The following ARPIN variants were observed in gnomAD, a reference collection of about 807,000 sequenced individuals.
ARPIN encodes the protein UPF0552 protein C15orf38.
ARPIN carries 23 observed loss-of-function variants against 25.9 expected under a neutral mutation model. That is an observed-to-expected ratio of 0.89 (90% CI 0.64 to 1.26). ARPIN has a LOEUF of 1.26. Among genes scored for constraint, ARPIN ranks in the 50% most tolerant of loss-of-function variants. The probability of loss-of-function intolerance (pLI) is 0.00; values close to 1 mark genes in which losing one functional copy is unlikely to be tolerated. For missense variants in ARPIN, 333 were observed against 312.2 expected (o/e 1.07, Z -0.50); for synonymous variants, 126 against 131.4 (o/e 0.96, Z 0.28).
Position 89,900,642 on chromosome 15 carries a change from A to T in ARPIN, c.*1153T>A, listed in dbSNP as rs1275601601. ...TTCGACACATTAGGGGGACTCCATA[A>T]TTATTAGTTCACCACCACCCTCTCT... is the stretch of plus-strand genomic sequence containing the variant. On this transcript the variant is annotated 3_prime_UTR_variant, in exon 6 of 6. Transcript: ENST00000357484. 3 of 152,196 alleles carry T rather than the reference A, an allele frequency of 2.0e-5. No individual in the cohort carries two copies. The highest frequency in any genetic ancestry group is 4.4e-5 in the Non-Finnish European group (3 of 68,046). 9.4% of individuals were successfully genotyped at this position (152,196 alleles called of 1,614,324 possible).
At position 89,900,816 on chromosome 15, in the gene ARPIN, C is replaced by T. The variant is rs529848067; in HGVS notation, c.*979G>A. The T allele has an allele frequency of 6.6e-6, 1 of 152,208 alleles. No homozygotes were observed. The highest frequency in any genetic ancestry group is 2.4e-5 in the African/African-American group (1 of 41,442). The allele number at this position is 152,208 out of a possible 1,614,324, so 9.4% of individuals were successfully genotyped here. On this transcript the variant is annotated 3_prime_UTR_variant, in exon 6 of 6. Coordinates refer to ENST00000357484, the MANE Select transcript of ARPIN (RefSeq NM_182616.4). Reference sequence around the variant, plus strand: ...AGAAATGGCTTCCTTCTCATAGGAACATTGCTCAGCTGAAAGGCCGTTTAC... The same window carrying T: ...AGAAATGGCTTCCTTCTCATAGGAATATTGCTCAGCTGAAAGGCCGTTTAC...
At position 89,903,934 on chromosome 15, in the gene ARPIN, C is replaced by T; in HGVS notation, c.351G>A (p.Lys117=). The T allele has an allele frequency of 6.2e-7, 1 of 1,612,302 alleles. No homozygotes were observed. The highest frequency in any genetic ancestry group is 8.5e-7 in the Non-Finnish European group (1 of 1,179,998). ...GCAGCTCTGGCTTGTTGACCAGCCC[C>T]TTCAGCGCCTCGGGCGTGAGCCTGT... The part of the protein sequence containing the change: ...DTDRLTPEAL[K]GLVNKPELLA... Residue 117 remains lysine (K), a synonymous_variant, in exon 4 of 6, where the codon AAG becomes AAA. Transcript: ENST00000357484.
At chr15:89,901,852 A>C in intron 5 of ARPIN, 49 bp from the exon 6 acceptor site, 1 of 1,605,436 alleles carries the variant, frequency 6.2e-7, no homozygotes, top group South Asian at 1.1e-5. Flanking sequence ...ACATGTCATA[A>C]ACGTCACTGC....
chr15:89,902,659 G>A (rs1404815508), intron 5 of ARPIN, among the ~76,000 whole-genome samples: 3 of 152,160 alleles, frequency 2.0e-5, no homozygotes, highest in African/African-American at 4.8e-5. Context: ...AGCCATGATC[G>A]TGCCCCTGCA....
At chr15:89,907,293 C>A (rs1470233848) in intron 3 of ARPIN, among the ~76,000 whole-genome samples, 1 of 152,064 alleles carries the variant, frequency 6.6e-6, no homozygotes, top group East Asian at 1.9e-4. Context: ...GTCTCGAACT[C>A]CTGACCTCAA....
chr15:89,902,930 TA>T (rs1168860884), intron 5 of ARPIN: 3 of 1,358,670 alleles, frequency 2.2e-6, no homozygotes. Context: ...TTTTGAGACT[TA>T]ATGACCATGA....
Position 89,906,519 on chromosome 15 carries a change from C to T in ARPIN, c.301+1761G>A, listed in dbSNP as rs753355412. Among the ~76,000 whole-genome samples, 159 of 152,164 alleles carry T rather than the reference C, an allele frequency of 1.0e-3. 2 individuals are homozygous for T. Among genetic ancestry groups the T allele is most frequent in the Non-Finnish European group, 1.3e-3 (89 of 68,032 alleles). On this transcript the variant is annotated intron_variant, in intron 3 of 5. Coordinates refer to ENST00000357484, the MANE Select transcript of ARPIN (RefSeq NM_182616.4). ...AGCCATGCCTGCCTGGGCTCAGCAC[C>T]CTTCACGGGATCCAGGCCCGGGCCT...
chr15:89,903,672 A>T, intron 4 of ARPIN, 105 bp downstream of exon 4: 3 of 1,523,692 alleles, frequency 2.0e-6, no homozygotes, highest in Non-Finnish European at 1.8e-6. Flanking sequence ...GTCCCCATGG[A>T]GGCCAGCCCT....
At position 89,898,113 on chromosome 15, in the gene ARPIN, C is replaced by CAAAA; in HGVS notation, c.*3678_*3681dup. The CAAAA allele has an allele frequency of 9.4e-6, 1 of 106,468 alleles. No individual in the cohort carries two copies. 6.6% of individuals were successfully genotyped at this position (106,468 alleles called of 1,614,324 possible). ...GGGCAACAAGAGCGAAATTCCATCT[C>CAAAA]AAAAAAAAAAAAAAGAAAGAAAGAA... On this transcript the variant is annotated 3_prime_UTR_variant, in exon 6 of 6. Coordinates refer to ENST00000357484, the MANE Select transcript of ARPIN (RefSeq NM_182616.4).
intron 5 of ARPIN, chr15:89,902,885 C>T (rs1030855614): frequency 9.6e-6 from 12 of 1,246,606 alleles, no homozygotes; most frequent in African/African-American, 1.5e-5. Context: ...TCAACTGCCT[C>T]AGCATGGTTA....
chr15:89,903,659 C>A, intron 4 of ARPIN, 118 bp downstream of exon 4: 1 of 1,491,052 alleles, frequency 6.7e-7, no homozygotes, highest in South Asian at 1.3e-5. Context: ...AGGGCTTGGT[C>A]GTGTCCCCAT....
chr15:89,903,998 C>T lies in ARPIN; in HGVS notation c.302-15G>A, dbSNP rs77463044. On this transcript the variant is annotated splice_polypyrimidine_tract_variant and intron_variant, in intron 3 of 5. Coordinates refer to ENST00000357484, the MANE Select transcript of ARPIN (RefSeq NM_182616.4). ...GGCTTCCACCTCTGCAGGCACAGAG[C>T]GCAGGAGGGTCATTATCACTGTGGC... The T allele has an allele frequency of 2.9e-3, 4,547 of 1,591,584 alleles. 195 individuals carry two copies. The East Asian group carries it at 0.087, about 30-fold the overall frequency.
Position 89,902,386 on chromosome 15 carries a change from C to A in ARPIN, c.673-583G>T, listed in dbSNP as rs569641406. Among the ~76,000 whole-genome samples the A allele has an allele frequency of 2.4e-4, 37 of 151,980 alleles. 1 individual carries two copies. Among genetic ancestry groups the A allele is most frequent in the African/African-American group, 8.9e-4 (37 of 41,436 alleles). ...TGGCGCCATTGCACTCCAGCCTGGG[C>A]AATAAGAGTGAAACTCCGTCTCAAA... On this transcript the variant is annotated intron_variant, in intron 5 of 5. Transcript: ENST00000357484.
chr15:89,912,663 T>TGGGGGGGCCCCC, intron 1 of ARPIN, 81 bp downstream of exon 1: 3 of 871,108 alleles, frequency 3.4e-6, no homozygotes, highest in Non-Finnish European at 4.2e-6. Context: ...CCCACCCGCA[T>TGGGGGGGCCCCC]CCCACCCCCC....
At chr15:89,902,762 G>A (rs1237504634) in intron 5 of ARPIN, 4 of 706,904 alleles carry the variant, frequency 5.7e-6, no homozygotes, top group East Asian at 1.9e-4. Context: ...GAGGATCAAC[G>A]TGGGGACTGA....
intron 5 of ARPIN, among the ~76,000 whole-genome samples, 169 bp from the exon 6 acceptor site, chr15:89,901,972 G>A (rs561793419): frequency 1.3e-5 from 2 of 152,276 alleles, no homozygotes; most frequent in East Asian, 3.9e-4. Flanking sequence ...CTCTTGGACT[G>A]TTTTTCAGTC....
chr15:89,912,663 TCCCA>T, intron 1 of ARPIN, 77 bp downstream of exon 1: 9 of 871,034 alleles, frequency 1.0e-5, no homozygotes, highest in East Asian at 1.0e-4. Flanking sequence ...CCCACCCGCA[TCCCA>T]CCCCCCCACC....
At position 89,910,830 on chromosome 15, in the gene ARPIN, A is replaced by T; in HGVS notation, c.93-11T>A. ...AGGACACCATTTCCCCTGGGGATGA[A>T]AGGGAAAGAAAGGATAGCCAGTTTT... is the stretch of plus-strand genomic sequence containing the variant. On this transcript the variant is annotated splice_polypyrimidine_tract_variant and intron_variant, in intron 1 of 5. Transcript: ENST00000357484. 6.2e-7 allele frequency: 1 copy of T among 1,613,804 alleles called. No individual in the cohort carries two copies. The highest frequency in any genetic ancestry group is 8.5e-7 in the Non-Finnish European group (1 of 1,179,882).
chr15:89,897,178 T>C lies in ARPIN; in HGVS notation c.*4617A>G, dbSNP rs1280196407. 1.3e-5 allele frequency: 2 copies of C among 152,354 alleles called. No individual in the cohort carries two copies. Among genetic ancestry groups the C allele is most frequent in the East Asian group, 1.9e-4 (1 of 5,194 alleles). 9.4% of individuals were successfully genotyped at this position (152,354 alleles called of 1,614,324 possible). A position where few individuals can be genotyped will look rare whatever the true frequency, so the allele number is the denominator to read the frequency against. On this transcript the variant is annotated 3_prime_UTR_variant, in exon 6 of 6. Transcript: ENST00000357484. The stretch of plus-strand genomic sequence containing the variant: ...GGACCATGACAGAACTATCCAATGG[T>C]AGCAATCTTAAAAATAATGGTTACA...
Sources: gnomAD v4.1 joint callset for allele counts (sites outside exome capture counted in the v4.1 genomes callset) on GRCh38, gnomAD v4.1.1 for gene constraint, MANE v1.5 for transcripts, NCBI Gene and HGNC (gene_info 2026-07-23, HGNC 2026-07-21) for gene names.